The following MYCBP2 variants were observed in gnomAD, a reference collection of about 807,000 sequenced individuals.
MYCBP2 encodes E3 ubiquitin-protein ligase MYCBP2.
A neutral mutation model predicts 525.3 loss-of-function variants in MYCBP2; 120 were observed. The ratio of observed to expected loss-of-function variants is 0.23; its 90% CI spans 0.20 to 0.27. The LOEUF (loss-of-function observed/expected upper bound fraction) is 0.27. MYCBP2 is among the 10% of genes least tolerant of loss of function. MYCBP2 has a pLI of 1.00. For synonymous variants in MYCBP2, 1,894 were observed against 1,955.8 expected (o/e 0.97, Z 0.83); for missense variants, 4,149 against 5,657.1 (o/e 0.73, Z 8.55).
chr13:77,061,280 C>A lies in MYCBP2; in HGVS notation c.12925G>T (p.Ala4309Ser), dbSNP rs1471701626. Residue 4309 changes from alanine (A) to serine (S), a missense_variant, in exon 76 of 83, where the codon GCT becomes TCT. Physicochemically the swap from Ala to Ser is moderately conservative, Grantham distance 99. Transcript: ENST00000544440. ...CCTTCATGAAGGTCAACCTTTATAGCTTCTTCTTCTTCTTTGAAGACCTAT... is the reference window on the plus strand; with the variant it reads ...CCTTCATGAAGGTCAACCTTTATAGATTCTTCTTCTTCTTTGAAGACCTAT... ...QRQVFKEEEE[A>S]IKVDLHEGCG... 3.8e-6 allele frequency: 6 copies of A among 1,595,084 alleles called. No homozygotes were observed. Among genetic ancestry groups the A allele is most frequent in the Non-Finnish European group, 4.3e-6 (5 of 1,169,934 alleles).
chr13:77,097,960 T>C lies in MYCBP2; in HGVS notation c.9194A>G (p.His3065Arg), dbSNP rs1313126560. 5.6e-6 allele frequency: 9 copies of C among 1,613,514 alleles called. No individual in the cohort carries two copies. The highest frequency in any genetic ancestry group is 3.3e-5 in the Admixed American group (2 of 59,912). Residue 3065 changes from histidine (H) to arginine (R), a missense_variant, in exon 56 of 83, where the codon CAT becomes CGT. Coordinates refer to ENST00000544440, the MANE Select transcript of MYCBP2 (RefSeq NM_015057.5). ...ATTTAAACTACTCCTTATAGGAGCA[T>C]GTTCTTTGGAAAGTTCAGGATGAAA... is the stretch of plus-strand genomic sequence containing the variant. ...LKFHPELSKE[H>R]APIRSSLNSQ... is the part of the protein sequence containing the mutation.
chr13:77,091,190 G>A (rs1206418370), intron 59 of MYCBP2, among the ~76,000 whole-genome samples: 1 of 151,990 alleles, frequency 6.6e-6, no homozygotes, highest in African/African-American at 2.4e-5. Flanking sequence ...ACTTCTCTAA[G>A]CTTATGTACA....
intron 34 of MYCBP2, among the ~76,000 whole-genome samples, chr13:77,179,850 A>G (rs965351805): frequency 6.6e-6 from 1 of 152,108 alleles, no homozygotes; most frequent in African/African-American, 2.4e-5. Context: ...TTCACGGGGC[A>G]TGGTGGTGGG....
chr13:77,260,654 TG>T (rs2073107837), intron 12 of MYCBP2, 62 bp from the exon 13 acceptor site: 1 of 1,377,730 alleles, frequency 7.3e-7, no homozygotes, highest in African/African-American at 1.5e-5. Context: ...AATAATGGTT[TG>T]TATATAAAGC....
intron 41 of MYCBP2, 94 bp from the exon 42 acceptor site, chr13:77,165,485 G>T (rs1038483326): frequency 3.3e-6 from 3 of 918,900 alleles, no homozygotes; most frequent in Admixed American, 2.4e-5. Flanking sequence ...TTTATCACAA[G>T]ATAGGTAAAA....
chr13:77,288,744 A>G (rs188410954), intron 2 of MYCBP2, among the ~76,000 whole-genome samples: 5 of 152,336 alleles, frequency 3.3e-5, no homozygotes, highest in African/African-American at 1.2e-4. Flanking sequence ...TAGAGTCTCA[A>G]TGACCTACTA....
chr13:77,251,485 T>G, intron 14 of MYCBP2, 130 bp from the exon 15 acceptor site: 2 of 722,326 alleles, frequency 2.8e-6, no homozygotes, highest in Non-Finnish European at 4.5e-6. Flanking sequence ...ATGCTTAAAT[T>G]TGAGTAACAA....
intron 3 of MYCBP2, among the ~76,000 whole-genome samples, chr13:77,286,508 C>T (rs1364080643): frequency 1.3e-5 from 2 of 150,894 alleles, no homozygotes; most frequent in Non-Finnish European, 2.9e-5. Context: ...AATCCCAGCA[C>T]GTTGGGAGGC....
intron 46 of MYCBP2, among the ~76,000 whole-genome samples, chr13:77,152,893 G>A (rs183093605): frequency 1.8e-4 from 27 of 151,900 alleles, no homozygotes; most frequent in Admixed American, 1.4e-3. Flanking sequence ...GTGAAACCCC[G>A]TCTCTACTAA....
chr13:77,206,742 G>C lies in MYCBP2; in HGVS notation c.3500C>G (p.Ser1167Cys). The C allele has an allele frequency of 6.2e-7, 1 of 1,612,998 alleles. No homozygotes were observed. The highest frequency in any genetic ancestry group is 2.2e-5 in the East Asian group (1 of 44,860). ...ARLPSAADMQ[S>C]RCSILSPELA... ...TTCAGGACTTAGGATACTACATCTG[G>C]ACTGCATGTCTGCTGCAGAGGGAAG... The change falls in exon 24 of 83, where the codon TCC becomes TGC. Residue 1167 changes from serine to cysteine, a missense_variant. By Grantham distance (112) the Ser-to-Cys change is moderately radical. Coordinates refer to ENST00000544440, the MANE Select transcript of MYCBP2 (RefSeq NM_015057.5).
intron 81 of MYCBP2, 139 bp from the exon 82 acceptor site, chr13:77,051,301 A>G (rs1348458614): frequency 2.9e-6 from 2 of 679,324 alleles, no homozygotes; most frequent in African/African-American, 3.7e-5. Context: ...TGAAAAACTG[A>G]TGATACACAT....
intron 20 of MYCBP2, among the ~76,000 whole-genome samples, chr13:77,221,791 A>G (rs914919082): frequency 1.3e-5 from 2 of 152,160 alleles, no homozygotes; most frequent in African/African-American, 4.8e-5. Context: ...TTCCCCACAC[A>G]GGTTATAGTC....
intron 52 of MYCBP2, among the ~76,000 whole-genome samples, chr13:77,127,074 T>C (rs1221702337): frequency 6.6e-6 from 1 of 152,070 alleles, no homozygotes; most frequent in South Asian, 2.1e-4. Flanking sequence ...AATATAGCTA[T>C]ATCTTGCTAT....
At chr13:77,134,899 C>T (rs555403044) in intron 52 of MYCBP2, among the ~76,000 whole-genome samples, 25 of 152,258 alleles carry the variant, frequency 1.6e-4, no homozygotes, top group South Asian at 1.0e-3. Flanking sequence ...GATGAATACA[C>T]GAATTCTAAA....
chr13:77,069,535 C>T (rs1034014052), intron 69 of MYCBP2, among the ~76,000 whole-genome samples: 7 of 150,878 alleles, frequency 4.6e-5, no homozygotes, highest in African/African-American at 1.7e-4. Flanking sequence ...GTCAGGAGAT[C>T]GAGACCATTC....
intron 44 of MYCBP2, among the ~76,000 whole-genome samples, chr13:77,161,110 A>G (rs2057864441): frequency 6.6e-6 from 1 of 152,180 alleles, no homozygotes; most frequent in Non-Finnish European, 1.5e-5. Context: ...GGGCTCACTT[A>G]GCAGTACATC....
intron 17 of MYCBP2, among the ~76,000 whole-genome samples, chr13:77,234,856 AT>A (rs2067666338): frequency 6.6e-6 from 1 of 151,948 alleles, no homozygotes; most frequent in Admixed American, 6.6e-5. Flanking sequence ...TTATATTACC[AT>A]TTTCTGATTT....
At chr13:77,273,724 G>A (rs577546255) in intron 4 of MYCBP2, 56 bp from the exon 5 acceptor site, 30 of 1,229,882 alleles carry the variant, frequency 2.4e-5, no homozygotes, top group Middle Eastern at 2.5e-4. Flanking sequence ...CATTATATGC[G>A]TATATTTATT....
At chr13:77,270,225 G>A in intron 6 of MYCBP2, 71 bp downstream of exon 6, 1 of 1,510,414 alleles carries the variant, frequency 6.6e-7, no homozygotes, top group Non-Finnish European at 8.9e-7. Context: ...AATGAAACTA[G>A]AAACACACAG....
Sources: gnomAD v4.1 joint callset for allele counts (sites outside exome capture counted in the v4.1 genomes callset) on GRCh38, gnomAD v4.1.1 for gene constraint, MANE v1.5 for transcripts, NCBI Gene and HGNC (gene_info 2026-07-23, HGNC 2026-07-21) for gene names.